The following CCDC178 variants were observed in gnomAD, a reference collection of about 807,000 sequenced individuals.
The protein encoded by CCDC178 is coiled-coil domain-containing protein 178.
CCDC178 carries 126 observed loss-of-function variants against 117.4 expected under a neutral mutation model. That is an observed-to-expected ratio of 1.07 (90% confidence interval 0.93 to 1.24). The LOEUF (loss-of-function observed/expected upper bound fraction) is 1.24, where lower values mean the gene tolerates loss of function less well. Among genes scored for constraint, CCDC178 ranks in the 50% most tolerant of loss-of-function variants. The pLI, the probability that CCDC178 is intolerant of heterozygous loss-of-function variation, is 0.00. For synonymous variants in CCDC178, 283 were observed against 313.4 expected, an observed-to-expected ratio of 0.90 and a Z score of 1.02; for missense variants, 1,030 against 986.9, an observed-to-expected ratio of 1.04 and a Z score of -0.59.
chr18:33,407,842 G>GA (rs796083661), intron 3 of CCDC178, among the ~76,000 whole-genome samples: 4 of 150,738 alleles, frequency 2.7e-5, no homozygotes, highest in African/African-American at 9.7e-5. Flanking sequence ...AAATACTCCA[G>GA]AAAAAAAATA....
intron 20 of CCDC178, among the ~76,000 whole-genome samples, chr18:33,123,173 C>G (rs2057960239): frequency 2.0e-5 from 3 of 151,998 alleles, no homozygotes; most frequent in Admixed American, 2.0e-4. Context: ...TATTAAAATA[C>G]CACATGAATG....
intron 11 of CCDC178, among the ~76,000 whole-genome samples, chr18:33,301,687 A>G (rs1227228564): frequency 6.6e-6 from 1 of 152,182 alleles, no homozygotes; most frequent in East Asian, 1.9e-4. Flanking sequence ...TGGATTTCAG[A>G]CTTTTATGAG....
At chr18:33,348,492 C>T (rs1200465714) in intron 8 of CCDC178, among the ~76,000 whole-genome samples, 1 of 151,904 alleles carries the variant, frequency 6.6e-6, no homozygotes, top group Non-Finnish European at 1.5e-5. Flanking sequence ...TCACATTAAA[C>T]TTAAAAATTA....
At chr18:33,040,886 A>G (rs922941568) in intron 21 of CCDC178, among the ~76,000 whole-genome samples, 5 of 151,950 alleles carry the variant, frequency 3.3e-5, no homozygotes, top group Non-Finnish European at 7.4e-5. Context: ...TGCAAAGAGA[A>G]TAGTAGTGAG....
At chr18:33,278,100 T>C (rs1462684445) in intron 12 of CCDC178, among the ~76,000 whole-genome samples, 1 of 151,924 alleles carries the variant, frequency 6.6e-6, no homozygotes, top group African/African-American at 2.4e-5. Flanking sequence ...GTCCAAAATC[T>C]CATAATCTAA....
At chr18:33,413,250 G>C (rs948866734) in intron 2 of CCDC178, among the ~76,000 whole-genome samples, 1 of 152,070 alleles carries the variant, frequency 6.6e-6, no homozygotes, top group African/African-American at 2.4e-5. Context: ...AGACAAAAGT[G>C]CTATGAAAGA....
chr18:32,938,091 C>T lies in CCDC178; in HGVS notation c.2524G>A (p.Glu842Lys), dbSNP rs752300123. ...ESIQKILAVQ[E>K]ESSNLMQHIL... ...TGTTGCATTAAATTTGAAGATTCCT[C>T]CTGTTCAGAAGCAAGAAACAAACAA... The change falls in exon 23 of 23, where the codon GAG becomes AAG. Residue 842 changes from glutamate (E) to lysine (K), a missense_variant and splice_region_variant. Physicochemically the swap from Glu to Lys is moderately conservative, Grantham distance 56 (BLOSUM62 1). Coordinates refer to ENST00000383096, the MANE Select transcript of CCDC178 (RefSeq NM_001105528.4). The T allele has an allele frequency of 6.8e-6, 11 of 1,610,626 alleles. No homozygotes were observed. Among genetic ancestry groups the T allele is most frequent in the South Asian group, 6.6e-5 (6 of 90,976 alleles).
At chr18:33,428,689 C>T (rs996029673) in intron 2 of CCDC178, among the ~76,000 whole-genome samples, 2 of 145,162 alleles carry the variant, frequency 1.4e-5, no homozygotes, top group Non-Finnish European at 3.0e-5. Context: ...CCAAGATCGC[C>T]CACTTGCACT....
At chr18:33,182,151 C>T (rs1171248053) in intron 20 of CCDC178, among the ~76,000 whole-genome samples, 1 of 151,836 alleles carries the variant, frequency 6.6e-6, no homozygotes, top group East Asian at 1.9e-4. Context: ...TCACTTTTCA[C>T]AAGAGAACTC....
intron 11 of CCDC178, among the ~76,000 whole-genome samples, chr18:33,303,248 A>T (rs1210275836): frequency 6.6e-6 from 1 of 152,220 alleles, no homozygotes; most frequent in East Asian, 1.9e-4. Context: ...AAAAGGCTGA[A>T]TCCTATATGA....
chr18:32,964,591 T>A (rs896187785), intron 22 of CCDC178, among the ~76,000 whole-genome samples: 1 of 151,938 alleles, frequency 6.6e-6, no homozygotes, highest in Non-Finnish European at 1.5e-5. Context: ...CAGGGCACAT[T>A]ACTGTGTACA....
At chr18:33,118,997 G>C (rs2057898064) in intron 20 of CCDC178, among the ~76,000 whole-genome samples, 1 of 152,132 alleles carries the variant, frequency 6.6e-6, no homozygotes, top group South Asian at 2.1e-4. Flanking sequence ...GTAGAAAGCT[G>C]AAACTGGATC....
intron 21 of CCDC178, among the ~76,000 whole-genome samples, chr18:33,066,108 G>A (rs570190550): frequency 6.6e-6 from 1 of 151,962 alleles, no homozygotes; most frequent in Admixed American, 6.6e-5. Context: ...TGATCCACCC[G>A]CCTCGGCCTC....
At chr18:33,312,793 T>G (rs1175131198) in intron 11 of CCDC178, among the ~76,000 whole-genome samples, 3 of 152,220 alleles carry the variant, frequency 2.0e-5, no homozygotes, top group Non-Finnish European at 4.4e-5. Flanking sequence ...TTACAGGTAA[T>G]GCTTATTGGT....
chr18:33,118,830 T>C (rs1598901937), intron 20 of CCDC178, among the ~76,000 whole-genome samples: 1 of 152,266 alleles, frequency 6.6e-6, no homozygotes, highest in African/African-American at 2.4e-5. Context: ...ATGGTACTGG[T>C]ACCAAAACAG....
intron 22 of CCDC178, among the ~76,000 whole-genome samples, chr18:32,970,405 T>G (rs970012114): frequency 6.6e-6 from 1 of 151,996 alleles, no homozygotes; most frequent in African/African-American, 2.4e-5. Context: ...CTTCATCAAA[T>G]GATTTTTGCA....
At chr18:33,290,494 G>A (rs2060152987) in intron 12 of CCDC178, among the ~76,000 whole-genome samples, 1 of 151,986 alleles carries the variant, frequency 6.6e-6, no homozygotes, top group African/African-American at 2.4e-5. Flanking sequence ...ATAGATCATG[G>A]GTATGTTTAG....
In CCDC178 at chr18:33,155,434, T is replaced by C. The variant is rs565132435; in HGVS notation, c.2238+56462A>G. Among the ~76,000 whole-genome samples the C allele has an allele frequency of 2.0e-5, 3 of 152,112 alleles. No individual in the cohort carries two copies. In the South Asian group the frequency reaches 6.2e-4, roughly 31 times the overall value. On this transcript the variant is annotated intron_variant, in intron 20 of 22. Transcript: ENST00000383096. ...AAGGTTTAAAATCAGTTATCTAAAT[T>C]TTTACTTTAAGAAGCTAGACAAAGA...
At chr18:33,259,130 T>C (rs2059712915) in intron 14 of CCDC178, among the ~76,000 whole-genome samples, 3 of 152,148 alleles carry the variant, frequency 2.0e-5, no homozygotes, top group Admixed American at 1.3e-4. Flanking sequence ...TAATTTTATA[T>C]GTAAAAACAT....
Sources: allele counts gnomAD v4.1 joint callset (sites outside exome capture counted in the v4.1 genomes callset), GRCh38; gene constraint gnomAD v4.1.1; transcripts MANE v1.5; gene names NCBI Gene and HGNC (gene_info 2026-07-23, HGNC 2026-07-21).